The following MARCHF11 variants were observed in gnomAD, a reference collection of about 807,000 sequenced individuals.
The protein encoded by MARCHF11 is membrane associated ring-CH-type finger 11.
Under a neutral mutation model 37.3 loss-of-function variants are expected in MARCHF11, and 29 were observed. The ratio of observed to expected loss-of-function variants is 0.78; its 90% confidence interval spans 0.58 to 1.06. The LOEUF (loss-of-function observed/expected upper bound fraction) is 1.06, where lower values mean the gene tolerates loss of function less well. Among genes scored for constraint, MARCHF11 ranks in the 50% least tolerant of loss-of-function variants. MARCHF11 has a pLI of 0.00. For synonymous variants in MARCHF11, 233 were observed against 228.0 expected, an observed-to-expected ratio of 1.02 and a Z score of -0.20; for missense variants, 482 against 533.4, an observed-to-expected ratio of 0.90 and a Z score of 0.95.
At chr5:16,099,893 T>A (rs1736928402) in intron 2 of MARCHF11, among the ~76,000 whole-genome samples, 1 of 152,104 alleles carries the variant, frequency 6.6e-6, no homozygotes, top group African/African-American at 2.4e-5. Flanking sequence ...GAGAGGTGGG[T>A]GGGAAGCTCC....
chr5:16,127,856 G>A lies in MARCHF11; in HGVS notation c.694-36775C>T, dbSNP rs370549397. On this transcript the variant is annotated intron_variant, in intron 2 of 3. Coordinates refer to ENST00000332432, the MANE Select transcript of MARCHF11 (RefSeq NM_001102562.3). ...CCGCCCCTCTGGCTTCTGGTTGAAC[G>A]GGGTCAATGGAGAAGATTTTAGACT... Among the ~76,000 whole-genome samples, 6 of 152,250 alleles carry A rather than the reference G, an allele frequency of 3.9e-5. 1 individual carries two copies. The highest frequency in any genetic ancestry group is 1.9e-4 in the East Asian group (1 of 5,164).
intron 2 of MARCHF11, among the ~76,000 whole-genome samples, chr5:16,116,842 A>T (rs981771449): frequency 8.5e-5 from 13 of 152,322 alleles, no homozygotes; most frequent in African/African-American, 2.6e-4. Context: ...CTTTCTCTGA[A>T]ACAGTCCCTC....
intron 2 of MARCHF11, among the ~76,000 whole-genome samples, chr5:16,108,720 A>C (rs1737087471): frequency 6.6e-6 from 1 of 152,186 alleles, no homozygotes; most frequent in South Asian, 2.1e-4. Flanking sequence ...CTTAGATTAC[A>C]AGGCCAGGCG....
intron 2 of MARCHF11, among the ~76,000 whole-genome samples, chr5:16,103,964 C>A (rs1413766647): frequency 3.3e-5 from 5 of 152,144 alleles, no homozygotes; most frequent in Non-Finnish European, 7.3e-5. Flanking sequence ...ATGTTGACCA[C>A]AGACAAATCA....
intron 2 of MARCHF11, among the ~76,000 whole-genome samples, chr5:16,114,038 T>C (rs1737192799): frequency 6.6e-6 from 1 of 151,182 alleles, no homozygotes; most frequent in South Asian, 2.1e-4. Context: ...ATTGCGAAAA[T>C]GTGATATTTG....
intron 2 of MARCHF11, among the ~76,000 whole-genome samples, chr5:16,108,088 T>C (rs1193843544): frequency 6.6e-6 from 1 of 152,232 alleles, no homozygotes; most frequent in Non-Finnish European, 1.5e-5. Context: ...GAGCGTCCAC[T>C]GAGCTGGTTA....
intron 2 of MARCHF11, among the ~76,000 whole-genome samples, chr5:16,139,191 G>A (rs1737662687): frequency 1.3e-5 from 2 of 152,278 alleles, no homozygotes; most frequent in East Asian, 3.9e-4. Context: ...TGTTGTGGGA[G>A]GGACCTGGTG....
intron 2 of MARCHF11, among the ~76,000 whole-genome samples, chr5:16,124,023 G>T (rs1737359041): frequency 6.6e-6 from 1 of 152,100 alleles, no homozygotes; most frequent in Admixed American, 6.5e-5. Flanking sequence ...ATCAGGTTTT[G>T]TATGTTTACA....
chr5:16,164,656 T>C (rs1191391154), intron 2 of MARCHF11, among the ~76,000 whole-genome samples: 3 of 152,088 alleles, frequency 2.0e-5, no homozygotes, highest in African/African-American at 4.8e-5. Flanking sequence ...ACAATAATTA[T>C]TGATAATAAA....
At chr5:16,083,047 T>C (rs1736639222) in intron 3 of MARCHF11, among the ~76,000 whole-genome samples, 1 of 152,188 alleles carries the variant, frequency 6.6e-6, no homozygotes, top group Non-Finnish European at 1.5e-5. Context: ...TGAGTGGTAA[T>C]CAAATGGTTG....
intron 2 of MARCHF11, among the ~76,000 whole-genome samples, chr5:16,173,945 T>C (rs927453571): frequency 2.1e-4 from 32 of 152,232 alleles, no homozygotes; most frequent in African/African-American, 7.2e-4. Context: ...TTGTCTAAAA[T>C]AACAGATATT....
chr5:16,071,160 G>A (rs552828316), intron 3 of MARCHF11, among the ~76,000 whole-genome samples: 2 of 152,250 alleles, frequency 1.3e-5, no homozygotes, highest in South Asian at 2.1e-4. Flanking sequence ...GTTCATATGC[G>A]AACAGGCTGA....
At chr5:16,074,729 G>A (rs764879240) in intron 3 of MARCHF11, among the ~76,000 whole-genome samples, 22 of 152,226 alleles carry the variant, frequency 1.4e-4, no homozygotes, top group East Asian at 9.6e-4. Context: ...GAAACTTACC[G>A]TGACAATAAA....
At chr5:16,091,655 TACTG>T (rs1736792507) in intron 2 of MARCHF11, among the ~76,000 whole-genome samples, 1 of 152,226 alleles carries the variant, frequency 6.6e-6, no homozygotes, top group South Asian at 2.1e-4. Context: ...ACTCAGATAT[TACTG>T]ACTTTTTATT....
chr5:16,158,868 T>C (rs907948991), intron 2 of MARCHF11, among the ~76,000 whole-genome samples: 9 of 151,846 alleles, frequency 5.9e-5, no homozygotes, highest in Non-Finnish European at 1.3e-4. Context: ...CCCGCACCCC[T>C]CGACAGGCCC....
chr5:16,132,942 A>C (rs1737541981), intron 2 of MARCHF11, among the ~76,000 whole-genome samples: 1 of 152,198 alleles, frequency 6.6e-6, no homozygotes, highest in African/African-American at 2.4e-5. Context: ...AACAATAGGA[A>C]TGGATGCAAA....
intron 2 of MARCHF11, among the ~76,000 whole-genome samples, chr5:16,131,777 A>G (rs1487889695): frequency 6.6e-6 from 1 of 152,212 alleles, no homozygotes; most frequent in Non-Finnish European, 1.5e-5. Flanking sequence ...AAAGATCACT[A>G]CTTCGTGCTT....
At chr5:16,079,222 A>C (rs1736567514) in intron 3 of MARCHF11, among the ~76,000 whole-genome samples, 2 of 152,220 alleles carry the variant, frequency 1.3e-5, no homozygotes, top group Non-Finnish European at 2.9e-5. Context: ...TCCAATTCCA[A>C]GCTCTGAAGC....
intron 2 of MARCHF11, among the ~76,000 whole-genome samples, chr5:16,126,284 A>G (rs549899209): frequency 6.6e-6 from 1 of 152,320 alleles, no homozygotes; most frequent in East Asian, 1.9e-4. Context: ...AATTAAGATA[A>G]ATCATTTTCT....
Sources: allele counts gnomAD v4.1 joint callset (sites outside exome capture counted in the v4.1 genomes callset), GRCh38; gene constraint gnomAD v4.1.1; transcripts MANE v1.5; gene names NCBI Gene and HGNC (gene_info 2026-07-23, HGNC 2026-07-21).